MAP3K5: variants seen among roughly 807,000 people sequenced by gnomAD.
MAP3K5 encodes mitogen-activated protein kinase kinase kinase 5, also known as ASK-1.
Under a neutral mutation model 158.7 loss-of-function variants are expected in MAP3K5, and 56 were observed. The ratio of observed to expected loss-of-function variants is 0.35; its 90% confidence interval spans 0.28 to 0.44. The LOEUF (loss-of-function observed/expected upper bound fraction) is 0.44, where lower values mean the gene tolerates loss of function less well. Among genes scored for constraint, MAP3K5 ranks in the 20% least tolerant of loss-of-function variants. The pLI, the probability that MAP3K5 is intolerant of heterozygous loss-of-function variation, is 1.00. For synonymous variants in MAP3K5, 579 were observed against 601.7 expected, an observed-to-expected ratio of 0.96 and a Z score of 0.55; for missense variants, 1,294 against 1,674.8, an observed-to-expected ratio of 0.77 and a Z score of 3.97.
chr6:136,733,649 G>A lies in MAP3K5; in HGVS notation c.449-13060C>T, dbSNP rs1782323424. Among the ~76,000 whole-genome samples the A allele has an allele frequency of 2.0e-5, 3 of 151,214 alleles. 1 individual carries two copies. The South Asian group carries it at 6.2e-4, about 31-fold the overall frequency. The stretch of plus-strand genomic sequence containing the variant: ...AACAAAAAAAACCTTTTTTTTTAGA[G>A]CTGTTTTAGGTTCATGGCAAAATTG... On this transcript the variant is annotated intron_variant, in intron 1 of 29. Coordinates refer to ENST00000359015, the MANE Select transcript of MAP3K5 (RefSeq NM_005923.4).
At chr6:136,567,609 C>G in intron 26 of MAP3K5, 22 bp downstream of exon 26, 1 of 1,589,624 alleles carries the variant, frequency 6.3e-7, no homozygotes, top group Non-Finnish European at 8.6e-7. Context: ...AAGAAACCAA[C>G]CCACGTCAGT....
In MAP3K5 at chr6:136,733,911, T is replaced by C. The variant is rs138540718; in HGVS notation, c.449-13322A>G. Reference sequence around the variant, plus strand: ...ATCTACCACTAAAGTATCATAATTATAGGATCATACAGAGTATGAGACCAT... The same window carrying C: ...ATCTACCACTAAAGTATCATAATTACAGGATCATACAGAGTATGAGACCAT... On this transcript the variant is annotated intron_variant, in intron 1 of 29. Coordinates refer to ENST00000359015, the MANE Select transcript of MAP3K5 (RefSeq NM_005923.4). Among the ~76,000 whole-genome samples, 81 of 152,296 alleles carry C rather than the reference T, an allele frequency of 5.3e-4. No individual in the cohort carries two copies. The East Asian group carries it at 0.014, about 27-fold the overall frequency.
At chr6:136,669,658 T>C (rs1193331172) in intron 7 of MAP3K5, among the ~76,000 whole-genome samples, 1 of 152,186 alleles carries the variant, frequency 6.6e-6, no homozygotes, top group Non-Finnish European at 1.5e-5. Flanking sequence ...TTCAACCATC[T>C]ACCAGAAATA....
At chr6:136,653,913 AG>A (rs1778629594) in intron 10 of MAP3K5, among the ~76,000 whole-genome samples, 1 of 152,156 alleles carries the variant, frequency 6.6e-6, no homozygotes, top group African/African-American at 2.4e-5. Flanking sequence ...AGTTTTGAGT[AG>A]CTGAGTTATG....
At chr6:136,728,052 A>G (rs1782049029) in intron 1 of MAP3K5, among the ~76,000 whole-genome samples, 1 of 152,224 alleles carries the variant, frequency 6.6e-6, no homozygotes, top group South Asian at 2.1e-4. Context: ...TACCTAAGGT[A>G]TAATTTGTTT....
chr6:136,774,748 A>T (rs1286702242), intron 1 of MAP3K5, among the ~76,000 whole-genome samples: 1 of 152,228 alleles, frequency 6.6e-6, no homozygotes, highest in Admixed American at 6.5e-5. Context: ...TATTCATTCA[A>T]TCAATCAATC....
chr6:136,642,355 C>T (rs9494547), intron 12 of MAP3K5, among the ~76,000 whole-genome samples, 165 bp downstream of exon 12: 27,027 of 152,130 alleles, frequency 0.18, 5,307 homozygotes, highest in African/African-American at 0.49. Flanking sequence ...TTGCAAATCT[C>T]TTCCTAAAGG....
At chr6:136,635,392 G>A (rs983063145) in intron 14 of MAP3K5, among the ~76,000 whole-genome samples, 5 of 152,028 alleles carry the variant, frequency 3.3e-5, no homozygotes, top group African/African-American at 1.2e-4. Context: ...ATAAAAAATT[G>A]TAAAATATAA....
intron 1 of MAP3K5, among the ~76,000 whole-genome samples, chr6:136,763,210 T>C (rs958296123): frequency 6.6e-6 from 1 of 152,152 alleles, no homozygotes; most frequent in Non-Finnish European, 1.5e-5. Context: ...CCCAGGCTGG[T>C]CTCAAACTCC....
At chr6:136,565,505 C>T (rs1774060441) in intron 26 of MAP3K5, among the ~76,000 whole-genome samples, 1 of 152,198 alleles carries the variant, frequency 6.6e-6, no homozygotes, top group East Asian at 1.9e-4. Context: ...AATCATGGCT[C>T]ACTGTAGCCT....
At chr6:136,741,090 A>G (rs1180655500) in intron 1 of MAP3K5, among the ~76,000 whole-genome samples, 2 of 152,180 alleles carry the variant, frequency 1.3e-5, no homozygotes, top group Non-Finnish European at 2.9e-5. Flanking sequence ...TGACAGTAGC[A>G]ATGTGAGCCT....
chr6:136,583,961 C>T (rs1442834066), intron 23 of MAP3K5, among the ~76,000 whole-genome samples: 1 of 152,124 alleles, frequency 6.6e-6, no homozygotes, highest in East Asian at 1.9e-4. Flanking sequence ...CCATACTTCC[C>T]ACAGCCCTTT....
intron 1 of MAP3K5, among the ~76,000 whole-genome samples, chr6:136,767,010 G>T (rs1029970174): frequency 6.6e-5 from 10 of 152,096 alleles, no homozygotes; most frequent in Non-Finnish European, 1.5e-4. Context: ...GTAGATTTAT[G>T]CATTAGATAA....
At chr6:136,785,911 C>G (rs9494570) in intron 1 of MAP3K5, among the ~76,000 whole-genome samples, 76 of 152,306 alleles carry the variant, frequency 5.0e-4, no homozygotes, top group African/African-American at 1.8e-3. Flanking sequence ...AACCAGGCTT[C>G]TTACAGGCTA....
chr6:136,612,533 G>A (rs932935080), intron 17 of MAP3K5, among the ~76,000 whole-genome samples: 1 of 151,946 alleles, frequency 6.6e-6, no homozygotes, highest in Admixed American at 6.6e-5. Flanking sequence ...TGATTTTAGG[G>A]TACTAATATT....
chr6:136,749,802 G>C (rs1783119735), intron 1 of MAP3K5, among the ~76,000 whole-genome samples: 1 of 152,160 alleles, frequency 6.6e-6, no homozygotes, highest in Non-Finnish European at 1.5e-5. Context: ...AATAAGGCTG[G>C]AAGTCAGCAG....
At chr6:136,618,143 T>G (rs975211146) in intron 15 of MAP3K5, among the ~76,000 whole-genome samples, 1 of 152,224 alleles carries the variant, frequency 6.6e-6, no homozygotes, top group Non-Finnish European at 1.5e-5. Flanking sequence ...CTGATCCTTC[T>G]TTACAGATGG....
At position 136,710,752 on chromosome 6, in the gene MAP3K5, G is replaced by C. The variant is rs918731938; in HGVS notation, c.589-5619C>G. ...AGGATTTCACCTTCCTGAAAGAAGA[G>C]AAAGGAGCAGGCTTGGAGTTCTTGC... is the stretch of plus-strand genomic sequence containing the variant. On this transcript the variant is annotated intron_variant, in intron 2 of 29. Transcript: ENST00000359015. Among the ~76,000 whole-genome samples the C allele has an allele frequency of 2.6e-4, 39 of 152,280 alleles. 1 individual carries two copies. The highest frequency in any genetic ancestry group is 2.3e-3 in the Admixed American group (35 of 15,296).
At chr6:136,705,622 T>C (rs1038119418) in intron 2 of MAP3K5, among the ~76,000 whole-genome samples, 1 of 152,128 alleles carries the variant, frequency 6.6e-6, no homozygotes, top group Non-Finnish European at 1.5e-5. Context: ...GTTTACAATC[T>C]GCGGAGGAGA....
Sources: gnomAD v4.1 joint callset for allele counts (sites outside exome capture counted in the v4.1 genomes callset) on GRCh38, gnomAD v4.1.1 for gene constraint, MANE v1.5 for transcripts, NCBI Gene and HGNC (gene_info 2026-07-23, HGNC 2026-07-21) for gene names.